The following PHC3 variants were observed in gnomAD, a reference collection of about 807,000 sequenced individuals.
PHC3 encodes polyhomeotic homolog 3, also known as polyhomeotic-like protein 3.
A neutral mutation model predicts 107.4 loss-of-function variants in PHC3; 13 were observed. The observed-to-expected ratio is 0.12, with a 90% CI of 0.08 to 0.19. PHC3 has a LOEUF of 0.19. PHC3 is among the 10% of genes least tolerant of loss of function. The pLI is 1.00. For missense variants in PHC3, 992 were observed against 1,210.9 expected (o/e 0.82, Z 2.68); for synonymous variants, 456 against 427.4 (o/e 1.07, Z -0.83).
intron 11 of PHC3, among the ~76,000 whole-genome samples, chr3:170,109,063 G>C (rs1717128835): frequency 6.6e-6 from 1 of 152,144 alleles, no homozygotes; most frequent in African/African-American, 2.4e-5. Flanking sequence ...TGTTCAGTCA[G>C]ATTTTTAACA....
intron 4 of PHC3, among the ~76,000 whole-genome samples, chr3:170,153,762 CAAAA>C (rs371840050): frequency 9.2e-6 from 1 of 108,740 alleles, no homozygotes; most frequent in African/African-American, 3.6e-5. Flanking sequence ...GACTCCGTCT[CAAAA>C]AAAAAAAAAA....
chr3:170,158,617 T>G (rs2108652935), intron 4 of PHC3, among the ~76,000 whole-genome samples: 1 of 146,822 alleles, frequency 6.8e-6, no homozygotes, highest in South Asian at 2.2e-4. Context: ...AAGAAAAATT[T>G]CAAAAAAAGA....
chr3:170,175,708 A>C (rs987514503), intron 2 of PHC3, among the ~76,000 whole-genome samples: 42 of 151,990 alleles, frequency 2.8e-4, no homozygotes, highest in African/African-American at 9.9e-4. Context: ...GCGGATTACC[A>C]GCTCAAGAGA....
chr3:170,121,270 T>TA (rs1173006797), intron 9 of PHC3, among the ~76,000 whole-genome samples: 3 of 151,930 alleles, frequency 2.0e-5, no homozygotes, highest in African/African-American at 7.3e-5. Flanking sequence ...GCCCAGGAGT[T>TA]AGAGGCCAGC....
chr3:170,127,546 T>C (rs764379091), intron 8 of PHC3, among the ~76,000 whole-genome samples: 12 of 152,150 alleles, frequency 7.9e-5, no homozygotes, highest in Non-Finnish European at 1.5e-5. Context: ...ATGACAAGAA[T>C]ACAAAAATCT....
At chr3:170,106,699 T>C (rs1223376013) in intron 12 of PHC3, 133 bp downstream of exon 12, 2 of 501,858 alleles carry the variant, frequency 4.0e-6, no homozygotes, top group Non-Finnish European at 6.9e-6. Context: ...TATATAATAA[T>C]ATCTAGGTTT....
intron 9 of PHC3, among the ~76,000 whole-genome samples, chr3:170,119,750 A>G (rs1471864914): frequency 6.6e-6 from 1 of 152,154 alleles, no homozygotes; most frequent in African/African-American, 2.4e-5. Context: ...AAAATTTTAA[A>G]GATTTATAAC....
chr3:170,107,451 C>T (rs1716770241), intron 11 of PHC3, among the ~76,000 whole-genome samples: 1 of 152,132 alleles, frequency 6.6e-6, no homozygotes, highest in East Asian at 1.9e-4. Context: ...AAATAATTAA[C>T]TCTCTCGAAG....
chr3:170,168,886 T>C (rs578053931), intron 4 of PHC3, among the ~76,000 whole-genome samples: 1 of 151,528 alleles, frequency 6.6e-6, no homozygotes, highest in East Asian at 1.9e-4. Context: ...ACAAGTCTAC[T>C]CTCCAAACCA....
rs1263085535 is a variant in PHC3, at chr3:170,145,445, G to C, written c.650C>G (p.Ser217Cys). The stretch of plus-strand genomic sequence containing the variant: ...CACCTGAGTAGCTGCAGACTGACAG[G>C]AAGATGACGATGACGACGAGACAAC... ...IPVVSSSSSSSCQSAATQVQN... is the reference protein window; with the variant it reads ...IPVVSSSSSSCCQSAATQVQN... Residue 217 changes from serine (S) to cysteine (C), a missense_variant, in exon 6 of 15, where the codon TCC becomes TGC. Around this residue, in one of 6 missense-constraint regions of PHC3, gnomAD observed 543 missense variants for 590.8 expected, o/e 0.92. Transcript: ENST00000495893. 1.9e-6 allele frequency: 3 copies of C among 1,613,536 alleles called. No homozygotes were observed. In the South Asian group the frequency reaches 3.3e-5, roughly 18 times the overall value.
At position 170,094,133 on chromosome 3, in the gene PHC3, AG is replaced by A. The variant is rs1211131709; in HGVS notation, c.*3096del. On this transcript the variant is annotated 3_prime_UTR_variant, in exon 15 of 15. Transcript: ENST00000495893. ...TCAACAGCAAAGTAACAGGACCATC[AG>A]GGAAATAATATGCTACTTAAAAAGT... is the stretch of plus-strand genomic sequence containing the variant. 6 of 152,222 alleles carry A rather than the reference AG, an allele frequency of 3.9e-5. No individual in the cohort carries two copies. The highest frequency in any genetic ancestry group is 1.5e-5 in the Non-Finnish European group (1 of 68,052). The allele number at this position is 152,222 out of a possible 1,614,324, so 9.4% of individuals were successfully genotyped here. A position where few individuals can be genotyped will look rare whatever the true frequency, so the allele number is the denominator to read the frequency against.
Position 170,113,433 on chromosome 3 carries a change from C to T in PHC3, c.2280G>A (p.Gln760=), listed in dbSNP as rs1382323708. Reference sequence around the variant, plus strand: ...GTTTTGTATTATTCTGTAGCTCTGGCTGAACACACACTGAATTTATCACCT... The same window carrying T: ...GTTTTGTATTATTCTGTAGCTCTGGTTGAACACACACTGAATTTATCACCT... ...DNQVINSVCV[Q]PELQNNTKHA... is the part of the protein sequence containing the mutation. The change falls in exon 11 of 15, where the codon CAG becomes CAA. Residue 760 remains glutamine, a synonymous_variant. Transcript: ENST00000495893. 1.2e-6 allele frequency: 2 copies of T among 1,613,334 alleles called. No homozygotes were observed. The highest frequency in any genetic ancestry group is 2.2e-5 in the East Asian group (1 of 44,814).
chr3:170,172,763 T>G, intron 2 of PHC3, 51 bp from the exon 3 acceptor site: 1 of 1,538,994 alleles, frequency 6.5e-7, no homozygotes, highest in Non-Finnish European at 8.8e-7. Context: ...AACCTTTATC[T>G]TAATCAGAAA....
chr3:170,132,408 T>C (rs1042000973), intron 7 of PHC3, among the ~76,000 whole-genome samples: 1 of 152,198 alleles, frequency 6.6e-6, no homozygotes, highest in African/African-American at 2.4e-5. Context: ...ATGGACTGAA[T>C]GTTTGTGGCA....
At position 170,113,357 on chromosome 3, in the gene PHC3, A is replaced by G. The variant is rs1460611720; in HGVS notation, c.2353+3T>C. ...AAGGGTATCTTAAGTGAAACCCACA[A>G]ACCTTCAGCAATCATGTCTTCCATC... On this transcript the variant is annotated splice_donor_region_variant and intron_variant, in intron 11 of 14. Coordinates refer to ENST00000495893, the MANE Select transcript of PHC3 (RefSeq NM_024947.4). 1 of 1,600,454 alleles carries G rather than the reference A, an allele frequency of 6.2e-7. No individual in the cohort carries two copies. Among genetic ancestry groups the G allele is most frequent in the Admixed American group, 1.7e-5 (1 of 57,230 alleles).
chr3:170,149,139 T>C lies in PHC3; in HGVS notation c.520A>G (p.Thr174Ala). The change falls in exon 5 of 15, where the codon ACT (threonine) becomes GCT (alanine). Residue 174 changes from threonine to alanine, a missense_variant. Coordinates refer to ENST00000495893, the MANE Select transcript of PHC3 (RefSeq NM_024947.4). ...TGGCTTGCCGTTAGGGTAGGGGAAG[T>C]ACTCCCTAGTAACATAGTCTGTTGG... ...ITQQTMLLGS[T>A]SPTLTASQAQ... The C allele has an allele frequency of 1.2e-6, 2 of 1,613,266 alleles. No individual in the cohort carries two copies. The highest frequency in any genetic ancestry group is 1.7e-6 in the Non-Finnish European group (2 of 1,179,750).
At chr3:170,169,890 G>T (rs530277770) in intron 4 of PHC3, 2 of 152,006 alleles carry the variant, frequency 1.3e-5, no homozygotes, top group African/African-American at 2.4e-5. Flanking sequence ...AATTACCATT[G>T]TATTAAAGAC....
At chr3:170,140,111 G>A (rs1358290513) in intron 6 of PHC3, among the ~76,000 whole-genome samples, 8 of 151,364 alleles carry the variant, frequency 5.3e-5, no homozygotes, top group Admixed American at 2.0e-4. Context: ...GGGTCACATT[G>A]CTGACAGTAG....
At position 170,092,690 on chromosome 3, in the gene PHC3, T is replaced by C. The variant is rs1714227122; in HGVS notation, c.*4540A>G. On this transcript the variant is annotated 3_prime_UTR_variant, in exon 15 of 15. Transcript: ENST00000495893. Reference sequence around the variant, plus strand: ...CTGTGATATCTGAAAATGGAAACTCTGTAATTCTGGCAACTCAATTACAAC... The same window carrying C: ...CTGTGATATCTGAAAATGGAAACTCCGTAATTCTGGCAACTCAATTACAAC... The C allele has an allele frequency of 6.6e-6, 1 of 152,240 alleles. No homozygotes were observed. Among genetic ancestry groups the C allele is most frequent in the Admixed American group, 6.5e-5 (1 of 15,286 alleles). 9.4% of individuals were successfully genotyped at this position (152,240 alleles called of 1,614,324 possible). A position where few individuals can be genotyped will look rare whatever the true frequency, so the allele number is the denominator to read the frequency against.
Sources: allele counts gnomAD v4.1 joint callset (sites outside exome capture counted in the v4.1 genomes callset), GRCh38; gene constraint gnomAD v4.1.1; regional missense constraint gnomAD v4.1.1; transcripts MANE v1.5; gene names NCBI Gene and HGNC (gene_info 2026-07-23, HGNC 2026-07-21).